Variants in FRRS1L observed in about 807,000 individuals in gnomAD.
The protein encoded by FRRS1L is ferric chelate reductase 1 like.
Under a neutral mutation model 28.6 loss-of-function variants are expected in FRRS1L, and 22 were observed. The ratio of observed to expected loss-of-function variants is 0.77; its 90% CI spans 0.55 to 1.10. The LOEUF is 1.10. Ranked by LOEUF, FRRS1L falls within the 50% of genes least tolerant of loss-of-function variation. FRRS1L has a pLI of 0.00. For missense variants in FRRS1L, 380 were observed against 386.9 expected, an observed-to-expected ratio of 0.98 and a Z score of 0.15; for synonymous variants, 158 against 151.4, an observed-to-expected ratio of 1.04 and a Z score of -0.32.
rs955518321 is a variant in FRRS1L, at chr9:109,130,532, T to TA, written c.*6922dup. 2 of 152,206 alleles carry TA rather than the reference T, an allele frequency of 1.3e-5. No homozygotes were observed. The highest frequency in any genetic ancestry group is 4.8e-5 in the African/African-American group (2 of 41,462). 9.4% of individuals were successfully genotyped at this position (152,206 alleles called of 1,614,324 possible). A position where few individuals can be genotyped will look rare whatever the true frequency, so the allele number is the denominator to read the frequency against. ...TTTATTAGTAATGTGCCACACATCT[T>TA]AGAGTAAAAATTTACATAAGATAGG... is the stretch of plus-strand genomic sequence containing the variant. On this transcript the variant is annotated 3_prime_UTR_variant, in exon 5 of 5. Transcript: ENST00000561981.
chr9:109,141,413 G>A lies in FRRS1L; in HGVS notation c.639C>T (p.Pro213=). 1 of 1,614,046 alleles carries A rather than the reference G, an allele frequency of 6.2e-7. No individual in the cohort carries two copies. Among genetic ancestry groups the A allele is most frequent in the South Asian group, 1.1e-5 (1 of 91,086 alleles). The part of the protein sequence containing the change: ...TCRFKRPVNV[P]RDETIVDLHL... Reference sequence around the variant, plus strand: ...GCAGATCAACAATTGTTTCATCTCTGGGAACATTCACAGGGCGTTTAAATC... The same window carrying A: ...GCAGATCAACAATTGTTTCATCTCTAGGAACATTCACAGGGCGTTTAAATC... Residue 213 remains proline (P), a synonymous_variant, in exon 4 of 5, where the codon CCC becomes CCT. Transcript: ENST00000561981.
At chr9:109,155,689 G>C (rs950888759) in intron 1 of FRRS1L, among the ~76,000 whole-genome samples, 42 of 135,508 alleles carry the variant, frequency 3.1e-4, no homozygotes, top group African/African-American at 1.2e-3. Flanking sequence ...GGGCGACAGA[G>C]CAAGACTCCA....
chr9:109,153,121 A>G (rs1831356441), intron 1 of FRRS1L, among the ~76,000 whole-genome samples: 1 of 152,172 alleles, frequency 6.6e-6, no homozygotes, highest in Non-Finnish European at 1.5e-5. Context: ...AAACTCTAAA[A>G]CCTTGGAATT....
intron 3 of FRRS1L, among the ~76,000 whole-genome samples, chr9:109,144,616 C>T (rs1401622364): frequency 6.6e-6 from 1 of 151,228 alleles, no homozygotes; most frequent in Non-Finnish European, 1.5e-5. Flanking sequence ...CCACCTGCTT[C>T]AGCCTCCCAA....
At chr9:109,165,838 C>T (rs551184403) in intron 1 of FRRS1L, among the ~76,000 whole-genome samples, 1 of 152,310 alleles carries the variant, frequency 6.6e-6, no homozygotes, top group South Asian at 2.1e-4. Flanking sequence ...AACATAATGG[C>T]TGTAGCTCAA....
intron 3 of FRRS1L, among the ~76,000 whole-genome samples, chr9:109,145,319 T>C (rs1831244453): frequency 6.6e-6 from 1 of 152,216 alleles, no homozygotes; most frequent in African/African-American, 2.4e-5. Context: ...TTCTTGCCCC[T>C]GGGTACAGAG....
rs1831185049 is a variant in FRRS1L at position 109,141,501 on chromosome 9, TC to T, written c.550del (p.Glu184ArgfsTer27). 8 of 1,614,040 alleles carry T rather than the reference TC, an allele frequency of 5.0e-6. No homozygotes were observed. The highest frequency in any genetic ancestry group is 2.7e-5 in the African/African-American group (2 of 74,916). On this transcript the variant is annotated frameshift_variant, in exon 4 of 5. Transcript: ENST00000561981. LOFTEE classifies it high-confidence loss of function. ...ATCTCTGGCAGGGTTTCTCTGAATC[TC>T]CTTTGCCCACTGGCCTACATTATAG... ...HFYNVGQWAK[E>X]IQRNPARDEE...
Position 109,151,585 on chromosome 9 carries a change from T to C in FRRS1L, c.239-1865A>G, listed in dbSNP as rs539308331. Reference sequence around the variant, plus strand: ...ACCTTCTAGTTGCAGGAAAACAAGCTCAGGGCTCCCACTGATTCTACATTA... The same window carrying C: ...ACCTTCTAGTTGCAGGAAAACAAGCCCAGGGCTCCCACTGATTCTACATTA... On this transcript the variant is annotated intron_variant, in intron 1 of 4. Coordinates refer to ENST00000561981, the MANE Select transcript of FRRS1L (RefSeq NM_014334.4). 1.0e-4 allele frequency: 25 copies of C among 247,084 alleles called. No individual in the cohort carries two copies. In the East Asian group the frequency reaches 2.8e-3, roughly 28 times the overall value. 15.3% of individuals were successfully genotyped at this position (247,084 alleles called of 1,614,324 possible).
At position 109,160,021 on chromosome 9, in the gene FRRS1L, C is replaced by T. The variant is rs141887444; in HGVS notation, c.238+6880G>A. On this transcript the variant is annotated intron_variant, in intron 1 of 4. Transcript: ENST00000561981. ...TCTTATTAATATTTTCAAAGAATCACTTTAGGCTTTGTGGATCCCCTTTAC... is the reference window on the plus strand; with the variant it reads ...TCTTATTAATATTTTCAAAGAATCATTTTAGGCTTTGTGGATCCCCTTTAC... Among the ~76,000 whole-genome samples the T allele has an allele frequency of 1.0e-3, 159 of 152,304 alleles. 3 individuals are homozygous for T. Among genetic ancestry groups the T allele is most frequent in the African/African-American group, 3.5e-3 (146 of 41,548 alleles).
At position 109,147,091 on chromosome 9, in the gene FRRS1L, T is replaced by C. The variant is rs372117385; in HGVS notation, c.422A>G (p.Asp141Gly). ...AGAGAATCCAACTGCTACCCAACCA[T>C]CTGTGTCTGCACTCAGCTCAAATTC... ...DVEFELSADTDGWVAVGFSSD... is the reference protein window; with the variant it reads ...DVEFELSADTGGWVAVGFSSD... The change falls in exon 3 of 5, where the codon GAT becomes GGT. Residue 141 changes from aspartate (D) to glycine (G), a missense_variant. Coordinates refer to ENST00000561981, the MANE Select transcript of FRRS1L (RefSeq NM_014334.4). 5.0e-6 allele frequency: 8 copies of C among 1,613,790 alleles called. No homozygotes were observed. Among genetic ancestry groups the C allele is most frequent in the Non-Finnish European group, 6.8e-6 (8 of 1,179,776 alleles).
At chr9:109,140,840 G>C (rs753550627) in intron 4 of FRRS1L, 1 of 155,410 alleles carries the variant, frequency 6.4e-6, no homozygotes, top group South Asian at 2.0e-4. Flanking sequence ...TCTGGCCCCC[G>C]TTCAGTCTTT....
intron 2 of FRRS1L, among the ~76,000 whole-genome samples, chr9:109,149,312 A>G: frequency 6.6e-6 from 1 of 152,224 alleles, no homozygotes; most frequent in East Asian, 1.9e-4. Context: ...TCCTGCCCAC[A>G]GCCCCTGCTG....
chr9:109,149,563 T>C (rs1336445829), intron 2 of FRRS1L, 73 bp downstream of exon 2: 9 of 1,005,178 alleles, frequency 9.0e-6, no homozygotes, highest in Admixed American at 3.9e-5. Flanking sequence ...AGGAACTGCA[T>C]GCAATTTAAA....
At chr9:109,152,591 T>C (rs1396413857) in intron 1 of FRRS1L, among the ~76,000 whole-genome samples, 2 of 150,878 alleles carry the variant, frequency 1.3e-5, no homozygotes, top group African/African-American at 4.9e-5. Flanking sequence ...GATCATGAGG[T>C]CAGGAGATCG....
At chr9:109,165,389 C>T (rs62576372) in intron 1 of FRRS1L, among the ~76,000 whole-genome samples, 2,832 of 152,276 alleles carry the variant, frequency 0.019, 53 homozygotes, top group Non-Finnish European at 0.026. Flanking sequence ...TTCTACTGTA[C>T]TGATGAGGAC....
rs544314351 is a variant in FRRS1L at position 109,144,896 on chromosome 9, G to T, written c.462+2155C>A. Among the ~76,000 whole-genome samples the T allele has an allele frequency of 3.9e-3, 600 of 152,198 alleles. 4 individuals carry two copies. Among genetic ancestry groups the T allele is most frequent in the Non-Finnish European group, 4.8e-3 (329 of 68,008 alleles). ...GACGGGGTTTCACTATGTTGGCCAG[G>T]CTGTTCTCGAACTCCTGACCTCAGG... On this transcript the variant is annotated intron_variant, in intron 3 of 4. Coordinates refer to ENST00000561981, the MANE Select transcript of FRRS1L (RefSeq NM_014334.4).
chr9:109,141,249 C>T (rs1296589280), intron 4 of FRRS1L, 94 bp downstream of exon 4: 9 of 1,381,514 alleles, frequency 6.5e-6, no homozygotes, highest in South Asian at 2.5e-5. Flanking sequence ...GAGTGCTTAT[C>T]GCTCTCTTGT....
chr9:109,161,264 T>C (rs1235338766), intron 1 of FRRS1L, among the ~76,000 whole-genome samples: 2 of 152,216 alleles, frequency 1.3e-5, no homozygotes, highest in Non-Finnish European at 1.5e-5. Flanking sequence ...TCACTTAAAT[T>C]GTTTTGGCTT....
intron 3 of FRRS1L, among the ~76,000 whole-genome samples, chr9:109,144,658 C>T (rs1831230909): frequency 6.6e-6 from 1 of 150,862 alleles, no homozygotes; most frequent in Non-Finnish European, 1.5e-5. Context: ...AGCCACCATG[C>T]CCAGCCAGTT....
Sources: allele counts gnomAD v4.1 joint callset (sites outside exome capture counted in the v4.1 genomes callset), GRCh38; gene constraint gnomAD v4.1.1; transcripts MANE v1.5; gene names NCBI Gene and HGNC (gene_info 2026-07-23, HGNC 2026-07-21).